Variants in STAU2 observed in about 807,000 individuals in gnomAD.
STAU2 encodes staufen double-stranded RNA binding protein 2, also known as double-stranded RNA-binding protein Staufen homolog 2.
STAU2 carries 20 observed loss-of-function variants against 65.9 expected under a neutral mutation model. The ratio of observed to expected loss-of-function variants is 0.30; its 90% CI spans 0.21 to 0.44. STAU2 has a LOEUF of 0.44. Among genes scored for constraint, STAU2 ranks in the 20% least tolerant of loss-of-function variants. The pLI is 1.00. For missense variants in STAU2, 558 were observed against 683.9 expected, an observed-to-expected ratio of 0.82 and a Z score of 2.05; for synonymous variants, 232 against 233.9, an observed-to-expected ratio of 0.99 and a Z score of 0.07.
chr8:73,738,329 T>A lies in STAU2; in HGVS notation c.-63A>T. ...TAAGACAATATTGACCAAACTGCTG[T>A]ATCCCTCACGGCTCCAAAAACTGGA... On this transcript the variant is annotated 5_prime_UTR_variant, in exon 3 of 15. Coordinates refer to ENST00000524300, the MANE Select transcript of STAU2 (RefSeq NM_001164380.2). 6.3e-7 allele frequency: 1 copy of A among 1,597,532 alleles called. No individual in the cohort carries two copies. Among genetic ancestry groups the A allele is most frequent in the African/African-American group, 1.4e-5 (1 of 73,986 alleles).
At chr8:73,560,898 G>A (rs374357267) in intron 12 of STAU2, among the ~76,000 whole-genome samples, 241 of 152,230 alleles carry the variant, frequency 1.6e-3, no homozygotes, top group African/African-American at 5.6e-3. Context: ...TTCAAATTCA[G>A]GACTGGCTGC....
chr8:73,645,271 T>C (rs989989875), intron 6 of STAU2, among the ~76,000 whole-genome samples: 1 of 152,194 alleles, frequency 6.6e-6, no homozygotes, highest in Admixed American at 6.5e-5. Context: ...ATTGCAAGCA[T>C]ACAAGGCTGG....
At chr8:73,495,903 C>T (rs904138455) in intron 13 of STAU2, among the ~76,000 whole-genome samples, 9 of 151,408 alleles carry the variant, frequency 5.9e-5, no homozygotes, top group South Asian at 2.1e-4. Context: ...TCTCCCCGCA[C>T]ACATATATGT....
chr8:73,649,869 T>TTGTATATA (rs1554555924), intron 6 of STAU2, among the ~76,000 whole-genome samples: 1 of 71,656 alleles, frequency 1.4e-5, no homozygotes, highest in Non-Finnish European at 2.6e-5. Flanking sequence ...CTATATAATT[T>TTGTATATA]TATATATATA....
At position 73,663,724 on chromosome 8, in the gene STAU2, T is replaced by C. The variant is rs1376645204; in HGVS notation, c.410+9383A>G. Among the ~76,000 whole-genome samples, 11 of 144,878 alleles carry C rather than the reference T, an allele frequency of 7.6e-5. No homozygotes were observed. In the East Asian group the frequency reaches 2.3e-3, roughly 30 times the overall value. On this transcript the variant is annotated intron_variant, in intron 6 of 14. Coordinates refer to ENST00000524300, the MANE Select transcript of STAU2 (RefSeq NM_001164380.2). ...ACTGAAATCTTAAATAATAGAGTCTTCTTTAATTTGAGCAGTATTTTATAG... is the reference window on the plus strand; with the variant it reads ...ACTGAAATCTTAAATAATAGAGTCTCCTTTAATTTGAGCAGTATTTTATAG...
intron 1 of STAU2, among the ~76,000 whole-genome samples, chr8:73,743,618 CAT>C (rs1216247163): frequency 1.3e-5 from 2 of 151,730 alleles, no homozygotes. Context: ...CGATTACAGG[CAT>C]GCGCCACCAC....
Position 73,471,173 on chromosome 8 carries a change from CT to C in STAU2, c.1531-48472del, listed in dbSNP as rs35701266. ...TAATTTTCTGACATTCTAATTCTCT[CT>C]TTTTTTTTTTTTTTTTGAGACAGAG... On this transcript the variant is annotated intron_variant, in intron 13 of 14. Transcript: ENST00000524300. Among the ~76,000 whole-genome samples, 764 of 124,822 alleles carry C rather than the reference CT, an allele frequency of 6.1e-3. 4 individuals carry two copies. The highest frequency in any genetic ancestry group is 0.027 in the South Asian group (107 of 3,892). 81.9% of individuals were successfully genotyped at this position (124,822 alleles called of 152,430 possible). A position where few individuals can be genotyped will look rare whatever the true frequency, so the allele number is the denominator to read the frequency against.
At chr8:73,478,305 T>TAAAAAAAAAAAAAAA (rs10660977) in intron 13 of STAU2, among the ~76,000 whole-genome samples, 1 of 77,510 alleles carries the variant, frequency 1.3e-5, no homozygotes, top group Non-Finnish European at 2.6e-5. Flanking sequence ...ACTGATGAGC[T>TAAAAAAAAAAAAAAA]AAAAAAAAAA....
intron 6 of STAU2, among the ~76,000 whole-genome samples, chr8:73,639,258 T>C (rs1056119093): frequency 6.6e-6 from 1 of 152,116 alleles, no homozygotes; most frequent in Non-Finnish European, 1.5e-5. Context: ...TTTATTCAAT[T>C]TATCTTTGTA....
At chr8:73,723,555 CT>C (rs1040558043) in intron 3 of STAU2, among the ~76,000 whole-genome samples, 2 of 152,106 alleles carry the variant, frequency 1.3e-5, no homozygotes, top group Non-Finnish European at 2.9e-5. Context: ...AGCTCACTGA[CT>C]TTTTTTTCTT....
At chr8:73,469,501 A>G (rs200006484) in intron 13 of STAU2, among the ~76,000 whole-genome samples, 1 of 150,750 alleles carries the variant, frequency 6.6e-6, no homozygotes, top group Non-Finnish European at 1.5e-5. Context: ...GTGTGTCTGG[A>G]TGGAGACTGA....
At chr8:73,723,308 C>G (rs867501075) in intron 3 of STAU2, among the ~76,000 whole-genome samples, 1 of 152,226 alleles carries the variant, frequency 6.6e-6, no homozygotes, top group African/African-American at 2.4e-5. Flanking sequence ...AATTCTTTTT[C>G]TCTCATCAAC....
At chr8:73,422,053 C>A (rs1252284645) in intron 14 of STAU2, among the ~76,000 whole-genome samples, 3 of 151,728 alleles carry the variant, frequency 2.0e-5, no homozygotes, top group Non-Finnish European at 4.4e-5. Context: ...TAAAGCAAAG[C>A]TATGAGCTGG....
intron 6 of STAU2, among the ~76,000 whole-genome samples, chr8:73,650,651 CA>C (rs1241438975): frequency 6.6e-6 from 1 of 152,152 alleles, no homozygotes; most frequent in Non-Finnish European, 1.5e-5. Context: ...CGTATTAGGA[CA>C]TTTTTAATGT....
At chr8:73,570,003 A>G (rs1808924782) in intron 12 of STAU2, among the ~76,000 whole-genome samples, 1 of 152,160 alleles carries the variant, frequency 6.6e-6, no homozygotes, top group South Asian at 2.1e-4. Flanking sequence ...GATGATTGGT[A>G]ACAACAAACT....
At chr8:73,578,341 T>C (rs1443584746) in intron 12 of STAU2, among the ~76,000 whole-genome samples, 1 of 152,206 alleles carries the variant, frequency 6.6e-6, no homozygotes, top group African/African-American at 2.4e-5. Context: ...TCAACTGGTA[T>C]GACTAAAACA....
intron 13 of STAU2, among the ~76,000 whole-genome samples, chr8:73,438,653 T>A (rs980269717): frequency 6.6e-6 from 1 of 152,078 alleles, no homozygotes; most frequent in Non-Finnish European, 1.5e-5. Flanking sequence ...CAGGAAGGAA[T>A]CTTGTGTCCA....
At chr8:73,526,044 T>G (rs1160629474) in intron 13 of STAU2, among the ~76,000 whole-genome samples, 1 of 152,230 alleles carries the variant, frequency 6.6e-6, no homozygotes, top group Non-Finnish European at 1.5e-5. Context: ...TATGTCAATG[T>G]AAAACCCTGA....
chr8:73,478,511 T>C (rs1820438701), intron 13 of STAU2, among the ~76,000 whole-genome samples: 3 of 152,018 alleles, frequency 2.0e-5, no homozygotes, highest in Admixed American at 2.0e-4. Flanking sequence ...CACTTTTTTA[T>C]ACCTTGTCAT....
Sources: allele counts gnomAD v4.1 joint callset (sites outside exome capture counted in the v4.1 genomes callset), GRCh38; gene constraint gnomAD v4.1.1; transcripts MANE v1.5; gene names NCBI Gene and HGNC (gene_info 2026-07-23, HGNC 2026-07-21).